The following OR10G3 variants were observed in gnomAD, a reference collection of about 807,000 sequenced individuals.
The protein encoded by OR10G3 is olfactory receptor family 10 subfamily G member 3, also known as olfactory receptor 10G3.
OR10G3 carries 8 observed loss-of-function variants against 13.4 expected under a neutral mutation model. That is an observed-to-expected ratio of 0.60 (90% CI 0.35 to 1.08). The LOEUF is 1.08. Among genes scored for constraint, OR10G3 ranks in the 50% least tolerant of loss-of-function variants. OR10G3 has a pLI of 0.02. For missense variants in OR10G3, 393 were observed against 386.6 expected (o/e 1.02, Z -0.14); for synonymous variants, 142 against 156.1 (o/e 0.91, Z 0.67).
In OR10G3 at chr14:21,570,517, G is replaced by A. The variant is rs948178844; in HGVS notation, c.228C>T (p.Ser76=). 6.2e-7 allele frequency: 1 copy of A among 1,614,076 alleles called. No individual in the cohort carries two copies. The highest frequency in any genetic ancestry group is 1.3e-5 in the African/African-American group (1 of 74,926). ...TCATCATGAGGCGAGGGACAATGATGGAGGAGATGCTCATATCAATGACTG... is the reference window on the plus strand; with the variant it reads ...TCATCATGAGGCGAGGGACAATGATAGAGGAGATGCTCATATCAATGACTG... The part of the protein sequence containing the change: ...VLSVIDMSIS[S]IIVPRLMMNF... The change falls in exon 2 of 2, where the codon TCC becomes TCT. Residue 76 remains serine, a synonymous_variant. Transcript: ENST00000641040.
Position 21,570,424 on chromosome 14 carries a change from G to A in OR10G3, c.321C>T (p.Phe107=), listed in dbSNP as rs766817988. The A allele has an allele frequency of 2.5e-6, 4 of 1,614,142 alleles. No individual in the cohort carries two copies. Among genetic ancestry groups the A allele is most frequent in the East Asian group, 2.2e-5 (1 of 44,876 alleles). ...GCVAQLYFYH[F]LGSTQCFLYT... ...AGAGGAAGCACTGGGTGCTGCCCAG[G>A]AAGTGATAGAAATAGAGTTGAGCAA... Residue 107 remains phenylalanine (F), a synonymous_variant, in exon 2 of 2, where the codon TTC becomes TTT. Transcript: ENST00000641040.
chr14:21,570,148 C>G lies in OR10G3; in HGVS notation c.597G>C (p.Val199=). The G allele has an allele frequency of 6.2e-7, 1 of 1,614,226 alleles. No homozygotes were observed. The highest frequency in any genetic ancestry group is 8.5e-7 in the Non-Finnish European group (1 of 1,180,036). The change falls in exon 2 of 2, where the codon GTG becomes GTC. Residue 199 remains valine (V), a synonymous_variant. Coordinates refer to ENST00000641040, the MANE Select transcript of OR10G3 (RefSeq NM_001005465.2). ...ACADTTVNEL[V]TFVDIGVVVA... ...CCACCACCCCAATGTCTACAAACGT[C>G]ACCAGCTCGTTGACTGTTGTGTCAG...
rs192039391 is a variant in OR10G3, at chr14:21,573,628, T to C, written c.-17-2867A>G. Among the ~76,000 whole-genome samples the C allele has an allele frequency of 2.0e-5, 3 of 151,136 alleles. No homozygotes were observed. In the East Asian group the frequency reaches 5.8e-4, roughly 29 times the overall value. On this transcript the variant is annotated intron_variant, in intron 1 of 1. Transcript: ENST00000641040. ...TGGAGGTTGTAGTGAGCTGAGATTG[T>C]GCCACTGCACTCCAGCCTGGGTGAC...
At position 21,569,758 on chromosome 14, in the gene OR10G3, A is replaced by G; in HGVS notation, c.*45T>C. Reference sequence around the variant, plus strand: ...AAGTTACCGAAGCCTAAACATTATAATAAATTCTAATTGTGGCAGCTTCCC... The same window carrying G: ...AAGTTACCGAAGCCTAAACATTATAGTAAATTCTAATTGTGGCAGCTTCCC... On this transcript the variant is annotated 3_prime_UTR_variant, in exon 2 of 2. Coordinates refer to ENST00000641040, the MANE Select transcript of OR10G3 (RefSeq NM_001005465.2). 4.0e-6 allele frequency: 6 copies of G among 1,510,358 alleles called. No homozygotes were observed. The highest frequency in any genetic ancestry group is 5.4e-6 in the Non-Finnish European group (6 of 1,105,454). The allele number at this position is 1,510,358 out of a possible 1,614,324, so 93.6% of individuals were successfully genotyped here. A position where few individuals can be genotyped will look rare whatever the true frequency, so the allele number is the denominator to read the frequency against.
At chr14:21,579,395 C>G (rs1176505162) in intron 1 of OR10G3, among the ~76,000 whole-genome samples, 1 of 152,088 alleles carries the variant, frequency 6.6e-6, no homozygotes, top group Non-Finnish European at 1.5e-5. Flanking sequence ...CAGGCGTGTA[C>G]CACCACCCCC....
intron 1 of OR10G3, among the ~76,000 whole-genome samples, chr14:21,571,300 C>G (rs1006116591): frequency 2.0e-5 from 3 of 152,178 alleles, no homozygotes; most frequent in Admixed American, 6.5e-5. Context: ...AAAGGAAATG[C>G]AGAAAATAAG....
Position 21,570,352 on chromosome 14 carries a change from CAGGG to C in OR10G3, c.389_392del (p.Pro130ArgfsTer7). 6.2e-7 allele frequency: 1 copy of C among 1,614,168 alleles called. No individual in the cohort carries two copies. The highest frequency in any genetic ancestry group is 8.5e-7 in the Non-Finnish European group (1 of 1,180,022). ...TAGCAGTCATGAGCACAGGGTAGCG[CAGGG>C]GCTGACATATTGCCAGGTACCTGTC... On this transcript the variant is annotated frameshift_variant, in exon 2 of 2. Coordinates refer to ENST00000641040, the MANE Select transcript of OR10G3 (RefSeq NM_001005465.2). LOFTEE classifies it high-confidence loss of function.
chr14:21,571,686 T>C (rs1384681589), intron 1 of OR10G3, among the ~76,000 whole-genome samples: 1 of 151,936 alleles, frequency 6.6e-6, no homozygotes, highest in Non-Finnish European at 1.5e-5. Flanking sequence ...GCATTTCTTT[T>C]TTTTTTTGAG....
In OR10G3 at chr14:21,570,397, G is replaced by A; in HGVS notation, c.348C>T (p.Tyr116=). The A allele has an allele frequency of 6.2e-7, 1 of 1,614,198 alleles. No individual in the cohort carries two copies. Among genetic ancestry groups the A allele is most frequent in the South Asian group, 1.1e-5 (1 of 91,086 alleles). Residue 116 remains tyrosine (Y), a synonymous_variant, in exon 2 of 2, where the codon TAC becomes TAT. Coordinates refer to ENST00000641040, the MANE Select transcript of OR10G3 (RefSeq NM_001005465.2). ...GGTACCTGTCATAGGCCATTAGGGT[G>A]TAGAGGAAGCACTGGGTGCTGCCCA... The part of the protein sequence containing the change: ...HFLGSTQCFL[Y]TLMAYDRYLA...
At chr14:21,577,354 C>T (rs1481542026) in intron 1 of OR10G3, among the ~76,000 whole-genome samples, 2 of 152,072 alleles carry the variant, frequency 1.3e-5, no homozygotes, top group Admixed American at 6.6e-5. Flanking sequence ...GTTTTTTAAT[C>T]CTTAGAGGTT....
At chr14:21,570,853 G>A (rs1893061637) in intron 1 of OR10G3, 92 bp from the exon 2 acceptor site, 1 of 697,248 alleles carries the variant, frequency 1.4e-6, no homozygotes, top group East Asian at 2.7e-5. Flanking sequence ...GGCAGTGGCA[G>A]AGAAGTTTCT....
chr14:21,572,235 G>A (rs1218472507), intron 1 of OR10G3, among the ~76,000 whole-genome samples: 1 of 129,622 alleles, frequency 7.7e-6, no homozygotes, highest in Non-Finnish European at 1.6e-5. Context: ...GAGGTGAGCT[G>A]AGATTGCACC....
chr14:21,571,381 G>A (rs1009396951), intron 1 of OR10G3, among the ~76,000 whole-genome samples: 5 of 151,992 alleles, frequency 3.3e-5, no homozygotes, highest in South Asian at 4.1e-4. Context: ...ACCATTAAAA[G>A]GAAGAGAATG....
chr14:21,575,916 C>A (rs1893124445), intron 1 of OR10G3, among the ~76,000 whole-genome samples: 1 of 152,234 alleles, frequency 6.6e-6, no homozygotes, highest in South Asian at 2.1e-4. Flanking sequence ...AAGCTGACCG[C>A]AATCCTCTTC....
chr14:21,571,432 G>A (rs1407907411), intron 1 of OR10G3, among the ~76,000 whole-genome samples: 1 of 152,194 alleles, frequency 6.6e-6, no homozygotes, highest in African/African-American at 2.4e-5. Context: ...GAGGACTATC[G>A]CCACTATGCA....
At chr14:21,572,309 A>AAAAAAAAAAAAC (rs1893079526) in intron 1 of OR10G3, among the ~76,000 whole-genome samples, 1 of 141,038 alleles carries the variant, frequency 7.1e-6, no homozygotes, top group Admixed American at 7.3e-5. Context: ...AAAAAAAAAA[A>AAAAAAAAAAAAC]AAAAAAAGGC....
In OR10G3 at chr14:21,570,195, C is replaced by T. The variant is rs914875612; in HGVS notation, c.550G>A (p.Ala184Thr). The T allele has an allele frequency of 6.2e-6, 10 of 1,614,074 alleles. No individual in the cohort carries two copies. The highest frequency in any genetic ancestry group is 8.5e-6 in the Non-Finnish European group (10 of 1,180,044). Residue 184 changes from alanine to threonine, a missense_variant, in exon 2 of 2, where the codon GCA becomes ACA. Coordinates refer to ENST00000641040, the MANE Select transcript of OR10G3 (RefSeq NM_001005465.2). ...QVDYFFCDIPAVLRLACADTT... is the reference protein window; with the variant it reads ...QVDYFFCDIPTVLRLACADTT... ...TCAGCACAGGCCAGTCTCAACACTG[C>T]AGGGATGTCACAGAAGAAGTAATCC...
At chr14:21,577,248 G>A (rs1406290346) in intron 1 of OR10G3, among the ~76,000 whole-genome samples, 1 of 152,124 alleles carries the variant, frequency 6.6e-6, no homozygotes, top group Admixed American at 6.6e-5. Flanking sequence ...AAAGAGACAT[G>A]GCACAAGGAG....
In OR10G3 at chr14:21,569,698, C is replaced by G. The variant is rs939690843; in HGVS notation, c.*105G>C. The G allele has an allele frequency of 2.3e-6, 2 of 852,746 alleles. No homozygotes were observed. Among genetic ancestry groups the G allele is most frequent in the African/African-American group, 1.7e-5 (1 of 58,230 alleles). 52.8% of individuals were successfully genotyped at this position (852,746 alleles called of 1,614,324 possible). A position where few individuals can be genotyped will look rare whatever the true frequency, so the allele number is the denominator to read the frequency against. On this transcript the variant is annotated 3_prime_UTR_variant, in exon 2 of 2. Transcript: ENST00000641040. ...AACTGTGTTTGATCATACAGTATGG[C>G]TATATAAAAGAGAAAAAACAAGAAG...
Sources: allele counts gnomAD v4.1 joint callset (sites outside exome capture counted in the v4.1 genomes callset), GRCh38; gene constraint gnomAD v4.1.1; transcripts MANE v1.5; gene names NCBI Gene and HGNC (gene_info 2026-07-23, HGNC 2026-07-21).